The following PRKAG3 variants were observed in gnomAD, a reference collection of about 807,000 sequenced individuals.
PRKAG3 encodes protein kinase AMP-activated non-catalytic subunit gamma 3, also known as 5'-AMP-activated protein kinase subunit gamma-3.
In PRKAG3, 39 loss-of-function variants were observed where a neutral mutation model predicts 56.5. That is an observed-to-expected ratio of 0.69 (90% CI 0.53 to 0.90). PRKAG3 has a LOEUF of 0.90. PRKAG3 is among the 40% of genes least tolerant of loss of function. PRKAG3 has a pLI of 0.00. For synonymous variants in PRKAG3, 243 were observed against 250.1 expected (o/e 0.97, Z 0.27); for missense variants, 628 against 627.5 (o/e 1.00, Z -0.01).
At chr2:218,825,335 C>CAAAAAA (rs3078328) in intron 10 of PRKAG3, among the ~76,000 whole-genome samples, 4 of 71,118 alleles carry the variant, frequency 5.6e-5, no homozygotes, top group African/African-American at 1.5e-4. Context: ...GACTCTGTCT[C>CAAAAAA]AAAAAAAAAA....
chr2:218,826,826 C>G (rs1943938853), intron 10 of PRKAG3, 102 bp downstream of exon 10: 1 of 1,476,748 alleles, frequency 6.8e-7, no homozygotes, highest in Admixed American at 1.7e-5. Context: ...TCCTGTACCC[C>G]CCACAGGGAT....
rs1455050525 is a variant in PRKAG3, at chr2:218,826,858, C to A, written c.1168+70G>T. On this transcript the variant is annotated intron_variant, in intron 10 of 12. Coordinates refer to ENST00000529249, the Ensembl canonical transcript of PRKAG3. ...GGATGGCATGAGAAACCCTGCCCTT[C>A]CCATATTCTCCCCACCAGGTTCTCC... is the stretch of plus-strand genomic sequence containing the variant. 8.8e-6 allele frequency: 14 copies of A among 1,586,238 alleles called. No homozygotes were observed. In the South Asian group the frequency reaches 1.4e-4, roughly 16 times the overall value.
At chr2:218,824,161 G>A in intron 12 of PRKAG3, 61 bp downstream of exon 12, 1 of 1,612,692 alleles carries the variant, frequency 6.2e-7, no homozygotes, top group Non-Finnish European at 8.5e-7. Flanking sequence ...GATGGCTGGA[G>A]CCGTGCATGA....
At chr2:218,829,006 A>C (rs1461776386) in intron 4 of PRKAG3, among the ~76,000 whole-genome samples, 1 of 152,198 alleles carries the variant, frequency 6.6e-6, no homozygotes, top group African/African-American at 2.4e-5. Flanking sequence ...TTTGTAGATA[A>C]ATTTTATATT....
At chr2:218,828,680 C>T in intron 4 of PRKAG3, 80 bp from the exon 5 acceptor site, 1 of 1,249,540 alleles carries the variant, frequency 8.0e-7, no homozygotes. Context: ...GCGCACCTCC[C>T]ATCTGCCTGC....
At chr2:218,830,267 T>C in exon 4 of PRKAG3, 1 of 1,613,842 alleles carries the variant, frequency 6.2e-7, no homozygotes, top group Non-Finnish European at 8.5e-7. Context: ...GGGGAGGCAG[T>C]CCCACCCTGT....
Position 218,831,781 on chromosome 2 carries a change from C to T in PRKAG3, c.-11G>A, listed in dbSNP as rs750503932. On this transcript the variant is annotated 5_prime_UTR_variant, in exon 1 of 13. Coordinates refer to ENST00000529249, the Ensembl canonical transcript of PRKAG3. ...CAGCCCGGGCTCCATGTGGCCAGCC[C>T]CAGACCAACTGAGAGCAAGTGTGCG... 11 of 1,608,966 alleles carry T rather than the reference C, an allele frequency of 6.8e-6. 1 individual carries two copies. The South Asian group carries it at 8.9e-5, about 13-fold the overall frequency.
chr2:218,828,139 A>G, intron 5 of PRKAG3, 77 bp from the exon 6 acceptor site: 1 of 1,305,134 alleles, frequency 7.7e-7, no homozygotes, highest in Non-Finnish European at 1.1e-6. Context: ...TCCCCTCCCC[A>G]CCCTGCCAGT....
At position 218,824,465 on chromosome 2, in the gene PRKAG3, G is replaced by A. The variant is rs552566846; in HGVS notation, c.1206+74C>T. ...CTGCATACTTGTCAAGGTCCCCCTG[G>A]TCCACAGAGGCCCCCCACCCATCCC... On this transcript the variant is annotated intron_variant, in intron 11 of 12. Coordinates refer to ENST00000529249, the Ensembl canonical transcript of PRKAG3. 3.7e-6 allele frequency: 6 copies of A among 1,607,576 alleles called. No individual in the cohort carries two copies. In the East Asian group the frequency reaches 1.1e-4, roughly 30 times the overall value.
chr2:218,831,514 A>G (rs540031613), intron 1 of PRKAG3, 139 bp from the exon 2 acceptor site: 46 of 971,490 alleles, frequency 4.7e-5, no homozygotes, highest in Admixed American at 4.7e-4. Flanking sequence ...ATGCAGCCAT[A>G]CACAAACACA....
exon 4 of PRKAG3, chr2:218,830,262 G>A: frequency 6.2e-7 from 1 of 1,613,994 alleles, no homozygotes; most frequent in Non-Finnish European, 8.5e-7. Flanking sequence ...TCAGAGGGGA[G>A]GCAGTCCCAC....
intron 10 of PRKAG3, among the ~76,000 whole-genome samples, chr2:218,825,494 A>C (rs1943919208): frequency 6.6e-6 from 1 of 151,918 alleles, no homozygotes; most frequent in African/African-American, 2.4e-5. Context: ...AATACCCCCC[A>C]AAAATTAGCT....
exon 4 of PRKAG3, chr2:218,830,227 G>A: frequency 6.2e-7 from 1 of 1,614,044 alleles, no homozygotes. Context: ...CATCTGTGCT[G>A]GAGCCTGCAG....
At chr2:218,825,728 A>C (rs1314516817) in intron 10 of PRKAG3, among the ~76,000 whole-genome samples, 1 of 150,534 alleles carries the variant, frequency 6.6e-6, no homozygotes, top group Non-Finnish European at 1.5e-5. Context: ...AATAATATGA[A>C]TTATTCATGG....
intron 11 of PRKAG3, 41 bp from the exon 12 acceptor site, chr2:218,824,409 G>C (rs1046276249): frequency 1.2e-6 from 2 of 1,613,816 alleles, no homozygotes; most frequent in Non-Finnish European, 8.5e-7. Context: ...TCACCCCCTT[G>C]CCTGGGCTCC....
At chr2:218,823,710 T>G (rs1943886472) in exon 13 of PRKAG3, 1 of 1,611,776 alleles carries the variant, frequency 6.2e-7, no homozygotes, top group African/African-American at 1.3e-5. Context: ...TCCAGTTCCC[T>G]TCATTGGCTT....
rs756797845 is a variant in PRKAG3, at chr2:218,826,909, T to A, written c.1168+19A>T. 1 of 1,613,818 alleles carries A rather than the reference T, an allele frequency of 6.2e-7. No individual in the cohort carries two copies. Among genetic ancestry groups the A allele is most frequent in the Admixed American group, 1.7e-5 (1 of 60,028 alleles). The stretch of plus-strand genomic sequence containing the variant: ...CAGGCCCCAGCCCAGCCCGAGCCTC[T>A]CATCCTGGGGGTGGGTACCACATTC... On this transcript the variant is annotated intron_variant, in intron 10 of 12. Transcript: ENST00000529249.
At chr2:218,826,334 T>A (rs1943932542) in intron 10 of PRKAG3, among the ~76,000 whole-genome samples, 1 of 152,350 alleles carries the variant, frequency 6.6e-6, no homozygotes, top group East Asian at 1.9e-4. Flanking sequence ...AAATATTTCA[T>A]AGCCATCATT....
rs907845095 is a variant in PRKAG3 at position 218,827,480 on chromosome 2, C to T, written c.875+95G>A. On this transcript the variant is annotated intron_variant, in intron 8 of 12. Transcript: ENST00000529249. The surrounding 1 kb of genome is among the most constrained non-coding windows in gnomAD (Gnocchi z 5.3). Reference sequence around the variant, plus strand: ...GCACCAAGGCTCCCTTGTCTGTGTGCCGCCTAGGATGAAGAGGTGAGTTCA... The same window carrying T: ...GCACCAAGGCTCCCTTGTCTGTGTGTCGCCTAGGATGAAGAGGTGAGTTCA... 3.1e-6 allele frequency: 5 copies of T among 1,600,794 alleles called. No individual in the cohort carries two copies. The highest frequency in any genetic ancestry group is 3.3e-5 in the Admixed American group (2 of 59,968).
Sources: gnomAD v4.1 joint callset for allele counts (sites outside exome capture counted in the v4.1 genomes callset) on GRCh38, gnomAD v4.1.1 for gene constraint, Gnocchi (gnomAD v3.1) non-coding constraint, MANE v1.5 for transcripts, NCBI Gene and HGNC (gene_info 2026-07-23, HGNC 2026-07-21) for gene names.